Variants in ZNF443 observed in about 807,000 individuals in gnomAD.
The protein encoded by ZNF443 is Kruppel-type zinc finger (C2H2).
A neutral mutation model predicts 12.0 loss-of-function variants in ZNF443; 3 were observed. The observed-to-expected ratio is 0.25, with a 90% confidence interval of 0.11 to 0.64. The LOEUF (loss-of-function observed/expected upper bound fraction) is 0.64, where lower values mean the gene tolerates loss of function less well. ZNF443 is among the 30% of genes least tolerant of loss of function. ZNF443 has a pLI of 0.84. For missense variants in ZNF443, 770 were observed against 808.8 expected, an observed-to-expected ratio of 0.95 and a Z score of 0.58; for synonymous variants, 225 against 265.9, an observed-to-expected ratio of 0.85 and a Z score of 1.50.
In ZNF443 at chr19:12,431,113, T is replaced by C. The variant is rs746799581; in HGVS notation, c.1059A>G (p.Gln353=). ...TTCCAGTGTGCCTTATCATGTGTCT[T>C]TGAAAGCTTCCCAGATGATGAAACG... ...GKAFHHLGSF[Q]RHMIRHTGNG... Residue 353 remains glutamine (Q), a synonymous_variant, in exon 4 of 4, where the codon CAA becomes CAG. Coordinates refer to ENST00000301547, the MANE Select transcript of ZNF443 (RefSeq NM_005815.5). 1.9e-6 allele frequency: 3 copies of C among 1,614,136 alleles called. No homozygotes were observed. Among genetic ancestry groups the C allele is most frequent in the Non-Finnish European group, 2.5e-6 (3 of 1,179,986 alleles).
At chr19:12,437,981 G>C (rs1023722221) in intron 1 of ZNF443, among the ~76,000 whole-genome samples, 3 of 151,764 alleles carry the variant, frequency 2.0e-5, no homozygotes, top group Admixed American at 6.6e-5. Flanking sequence ...CGCACCCGTA[G>C]TCCCAGCTAC....
rs753594848 is a variant in ZNF443 at position 12,431,311 on chromosome 19, A to G, written c.861T>C (p.Ser287=). Residue 287 remains serine (S), a synonymous_variant, in exon 4 of 4, where the codon TCT becomes TCC. Transcript: ENST00000301547. ...AAGAACTGGAATCAGGGAAGGCTTT[A>G]GAACACTGCTTACATTTATATGGTT... ...GEKPYKCKQC[S]KAFPDSSSCL... is the part of the protein sequence containing the mutation. 7 of 1,614,126 alleles carry G rather than the reference A, an allele frequency of 4.3e-6. No homozygotes were observed. Among genetic ancestry groups the G allele is most frequent in the Admixed American group, 3.3e-5 (2 of 60,014 alleles).
chr19:12,439,849 C>T (rs1050301260), intron 1 of ZNF443, among the ~76,000 whole-genome samples: 3 of 152,154 alleles, frequency 2.0e-5, no homozygotes, highest in Non-Finnish European at 2.9e-5. Context: ...AACAAGATGA[C>T]AAACTAGTGA....
At chr19:12,435,473 C>G (rs1221849443) in intron 1 of ZNF443, among the ~76,000 whole-genome samples, 2 of 152,214 alleles carry the variant, frequency 1.3e-5, no homozygotes, top group African/African-American at 4.8e-5. Context: ...TATCAGGGTA[C>G]TCAAAAGCAC....
At chr19:12,437,446 G>C (rs145932030) in intron 1 of ZNF443, among the ~76,000 whole-genome samples, 1 of 147,406 alleles carries the variant, frequency 6.8e-6, no homozygotes, top group Non-Finnish European at 1.5e-5. Context: ...GAAACAAGTA[G>C]ACTTACTATA....
intron 1 of ZNF443, among the ~76,000 whole-genome samples, chr19:12,433,853 A>G (rs1970282661): frequency 6.9e-6 from 1 of 144,322 alleles, no homozygotes. Flanking sequence ...AAAAAAAAAA[A>G]AGAAAAAAAA....
At chr19:12,435,866 T>C (rs539080666) in intron 1 of ZNF443, among the ~76,000 whole-genome samples, 149 of 151,922 alleles carry the variant, frequency 9.8e-4, no homozygotes, top group South Asian at 2.1e-3. Context: ...AAATGAACAA[T>C]TACAGTCTTC....
chr19:12,440,263 G>T (rs1393358358), intron 1 of ZNF443, among the ~76,000 whole-genome samples: 1 of 144,384 alleles, frequency 6.9e-6, no homozygotes, highest in African/African-American at 2.5e-5. Context: ...CCGCCTCCCT[G>T]AGAGTCAGGT....
chr19:12,440,786 C>T, intron 1 of ZNF443, 126 bp downstream of exon 1: 2 of 1,534,184 alleles, frequency 1.3e-6, no homozygotes, highest in Non-Finnish European at 1.8e-6. Flanking sequence ...CCGACCTACG[C>T]CAGGGGGACC....
At chr19:12,437,707 T>A (rs2862176) in intron 1 of ZNF443, among the ~76,000 whole-genome samples, 2 of 151,888 alleles carry the variant, frequency 1.3e-5, no homozygotes, top group Non-Finnish European at 2.9e-5. Flanking sequence ...ACTATTTTTT[T>A]TATTCTCTCA....
chr19:12,434,830 T>C (rs1008727719), intron 1 of ZNF443, among the ~76,000 whole-genome samples: 3 of 151,916 alleles, frequency 2.0e-5, no homozygotes, highest in African/African-American at 7.3e-5. Flanking sequence ...GCAGCCCGAG[T>C]TCCCAGTATA....
At position 12,430,593 on chromosome 19, in the gene ZNF443, T is replaced by C. The variant is rs756995697; in HGVS notation, c.1579A>G (p.Thr527Ala). The C allele has an allele frequency of 1.9e-6, 3 of 1,613,754 alleles. No homozygotes were observed. Among genetic ancestry groups the C allele is most frequent in the Non-Finnish European group, 2.5e-6 (3 of 1,179,912 alleles). ...RYLSRHKRTH[T>A]GEKPYECKTC... is the part of the protein sequence containing the mutation. ...TTACACTCATAAGGTTTCTCTCCTG[T>C]GTGAGTCCTTTTATGTCGAGAAAGG... The change falls in exon 4 of 4, where the codon ACA (threonine) becomes GCA (alanine). Residue 527 changes from threonine (T) to alanine (A), a missense_variant. Around this residue, in one of 3 missense-constraint regions of ZNF443, gnomAD observed 736 missense variants for 689.4 expected, o/e 1.07. Transcript: ENST00000301547.
In ZNF443 at chr19:12,430,326, A is replaced by C. The variant is rs369679472; in HGVS notation, c.1846T>G (p.Tyr616Asp). The change falls in exon 4 of 4, where the codon TAT becomes GAT. Residue 616 changes from tyrosine to aspartate, a missense_variant. Coordinates refer to ENST00000301547, the MANE Select transcript of ZNF443 (RefSeq NM_005815.5). ...GCTTTCCCACATTCCTTACATTCAT[A>C]CGGGTTCTCTCCAGTATGAGTTTTT... ...HEKTHTGENP[Y>D]ECKECGKAFA... 9 of 1,613,596 alleles carry C rather than the reference A, an allele frequency of 5.6e-6. No homozygotes were observed. In the African/African-American group the frequency reaches 9.4e-5, roughly 17 times the overall value.
In ZNF443 at chr19:12,430,747, T is replaced by C; in HGVS notation, c.1425A>G (p.Lys475=). ...CTTTCCCAAGTTTGCATTTATAGGGTTTCTCTCCAGTATGAGTTGTTTCAT... is the reference window on the plus strand; with the variant it reads ...CTTTCCCAAGTTTGCATTTATAGGGCTTCTCTCCAGTATGAGTTGTTTCAT... ...RRHETTHTGE[K]PYKCKLGKAC... Residue 475 remains lysine (K), a synonymous_variant, in exon 4 of 4, where the codon AAA becomes AAG. Coordinates refer to ENST00000301547, the MANE Select transcript of ZNF443 (RefSeq NM_005815.5). 4 of 1,612,906 alleles carry C rather than the reference T, an allele frequency of 2.5e-6. No individual in the cohort carries two copies. Among genetic ancestry groups the C allele is most frequent in the Non-Finnish European group, 3.4e-6 (4 of 1,179,158 alleles).
chr19:12,437,829 T>A (rs975120351), intron 1 of ZNF443, among the ~76,000 whole-genome samples: 1 of 151,900 alleles, frequency 6.6e-6, no homozygotes, highest in Non-Finnish European at 1.5e-5. Flanking sequence ...ATGATGCTCA[T>A]GCCTGTAATC....
chr19:12,437,404 T>C (rs1221362079), intron 1 of ZNF443, among the ~76,000 whole-genome samples: 2 of 101,436 alleles, frequency 2.0e-5, no homozygotes, highest in African/African-American at 8.9e-5. Context: ...CAAGAACCTG[T>C]CTCAAAAAAA....
intron 1 of ZNF443, among the ~76,000 whole-genome samples, chr19:12,440,033 AG>A (rs952838524): frequency 6.6e-6 from 1 of 151,844 alleles, no homozygotes; most frequent in Non-Finnish European, 1.5e-5. Flanking sequence ...GAAGACTCAG[AG>A]GGGAAACGGT....
chr19:12,434,827 G>A (rs1488018358), intron 1 of ZNF443, among the ~76,000 whole-genome samples: 3 of 152,022 alleles, frequency 2.0e-5, no homozygotes, highest in Non-Finnish European at 2.9e-5. Flanking sequence ...ACAGCAGCCC[G>A]AGTTCCCAGT....
chr19:12,435,510 C>T (rs1258946105), intron 1 of ZNF443, among the ~76,000 whole-genome samples: 1 of 152,172 alleles, frequency 6.6e-6, no homozygotes, highest in Non-Finnish European at 1.5e-5. Flanking sequence ...ATTGAGAAAG[C>T]CCCATGCATG....
Sources: allele counts gnomAD v4.1 joint callset (sites outside exome capture counted in the v4.1 genomes callset), GRCh38; gene constraint gnomAD v4.1.1; regional missense constraint gnomAD v4.1.1; transcripts MANE v1.5; gene names NCBI Gene and HGNC (gene_info 2026-07-23, HGNC 2026-07-21).